PGM2L1: variants seen among roughly 807,000 people sequenced by gnomAD.
PGM2L1 encodes the protein glucose 1,6-bisphosphate synthase.
PGM2L1 carries 35 observed loss-of-function variants against 73.4 expected under a neutral mutation model. The ratio of observed to expected loss-of-function variants is 0.48; its 90% CI spans 0.36 to 0.63. PGM2L1 has a LOEUF of 0.63. Ranked by LOEUF, PGM2L1 falls within the 30% of genes least tolerant of loss-of-function variation. PGM2L1 has a pLI of 0.00. For missense variants in PGM2L1, 570 were observed against 742.0 expected (o/e 0.77, Z 2.69); for synonymous variants, 225 against 253.8 (o/e 0.89, Z 1.08).
chr11:74,392,324 A>T (rs1230828803), intron 1 of PGM2L1, among the ~76,000 whole-genome samples: 3 of 152,152 alleles, frequency 2.0e-5, no homozygotes, highest in Non-Finnish European at 4.4e-5. Flanking sequence ...ACAGGAGAAA[A>T]TGTAGGAAAT....
At chr11:74,372,511 A>G (rs1862782993) in intron 2 of PGM2L1, among the ~76,000 whole-genome samples, 2 of 152,324 alleles carry the variant, frequency 1.3e-5, no homozygotes, top group South Asian at 4.1e-4. Flanking sequence ...TTTAATATCT[A>G]AAAATAACAT....
In PGM2L1 at chr11:74,334,423, A is replaced by G. The variant is rs1229433724; in HGVS notation, c.*2229T>C. On this transcript the variant is annotated 3_prime_UTR_variant, in exon 14 of 14. Coordinates refer to ENST00000298198, the MANE Select transcript of PGM2L1 (RefSeq NM_173582.6). ...TACATTCTTAAAAGCATATAAAACAAAAGATGTTTTACACATTTTAAAAAT... is the reference window on the plus strand; with the variant it reads ...TACATTCTTAAAAGCATATAAAACAGAAGATGTTTTACACATTTTAAAAAT... 2.0e-5 allele frequency: 3 copies of G among 152,258 alleles called. No individual in the cohort carries two copies. Among genetic ancestry groups the G allele is most frequent in the Non-Finnish European group, 4.4e-5 (3 of 68,038 alleles). 9.4% of individuals were successfully genotyped at this position (152,258 alleles called of 1,614,324 possible). A position where few individuals can be genotyped will look rare whatever the true frequency, so the allele number is the denominator to read the frequency against.
intron 5 of PGM2L1, among the ~76,000 whole-genome samples, chr11:74,363,844 C>T (rs984435377): frequency 2.0e-5 from 3 of 152,196 alleles, no homozygotes; most frequent in African/African-American, 7.2e-5. Flanking sequence ...AAGAGGGAAT[C>T]CTCCCTAACT....
chr11:74,343,078 C>T, intron 10 of PGM2L1, 64 bp from the exon 11 acceptor site: 5 of 1,509,158 alleles, frequency 3.3e-6, no homozygotes, highest in Non-Finnish European at 4.5e-6. Context: ...AATAGTTTTA[C>T]ATTTCTTCAG....
At chr11:74,364,994 A>C (rs1040171578) in intron 5 of PGM2L1, among the ~76,000 whole-genome samples, 1 of 150,950 alleles carries the variant, frequency 6.6e-6, no homozygotes, top group African/African-American at 2.4e-5. Flanking sequence ...CCAAAACAGC[A>C]TGGTACTGGT....
At position 74,331,919 on chromosome 11, in the gene PGM2L1, G is replaced by T. The variant is rs1331068141; in HGVS notation, c.*4733C>A. ...AGGTATGTCACTTTGTCCCTATTTG[G>T]TCACTCTACACATTCTTATAGGTTC... is the stretch of plus-strand genomic sequence containing the variant. On this transcript the variant is annotated 3_prime_UTR_variant, in exon 14 of 14. Transcript: ENST00000298198. 3 of 152,060 alleles carry T rather than the reference G, an allele frequency of 2.0e-5. No homozygotes were observed. The highest frequency in any genetic ancestry group is 7.2e-5 in the African/African-American group (3 of 41,380). The allele number at this position is 152,060 out of a possible 1,614,324, so 9.4% of individuals were successfully genotyped here. A position where few individuals can be genotyped will look rare whatever the true frequency, so the allele number is the denominator to read the frequency against.
At chr11:74,397,038 G>A (rs1364975381) in intron 1 of PGM2L1, among the ~76,000 whole-genome samples, 1 of 152,154 alleles carries the variant, frequency 6.6e-6, no homozygotes, top group African/African-American at 2.4e-5. Context: ...TTTGCTGAAT[G>A]AATGAATGAA....
chr11:74,341,095 T>C (rs1862175377), intron 12 of PGM2L1, among the ~76,000 whole-genome samples: 1 of 152,176 alleles, frequency 6.6e-6, no homozygotes, highest in Non-Finnish European at 1.5e-5. Flanking sequence ...TTGCCCATTT[T>C]CTCTTTTTCT....
chr11:74,336,831 A>C, intron 13 of PGM2L1, 77 bp from the exon 14 acceptor site: 1 of 994,008 alleles, frequency 1.0e-6, no homozygotes, highest in Middle Eastern at 2.7e-4. Context: ...GTGATTTTTT[A>C]AGAGGTCCTG....
intron 9 of PGM2L1, 67 bp downstream of exon 9, chr11:74,345,402 G>T: frequency 7.7e-7 from 1 of 1,293,450 alleles, no homozygotes; most frequent in Non-Finnish European, 1.1e-6. Flanking sequence ...CAGTCTTGGT[G>T]GGGAGATGTC....
chr11:74,368,905 CTA>C (rs1862705146), intron 4 of PGM2L1, among the ~76,000 whole-genome samples: 1 of 152,020 alleles, frequency 6.6e-6, no homozygotes, highest in African/African-American at 2.4e-5. Context: ...ATAATTTTTG[CTA>C]TGTATTATTT....
At chr11:74,350,384 C>T (rs932673387) in intron 6 of PGM2L1, among the ~76,000 whole-genome samples, 2 of 152,120 alleles carry the variant, frequency 1.3e-5, no homozygotes, top group Admixed American at 6.5e-5. Flanking sequence ...GAAAAATAAA[C>T]TCTTAAGAGA....
chr11:74,351,020 C>A (rs1261781900), intron 6 of PGM2L1, among the ~76,000 whole-genome samples: 1 of 152,232 alleles, frequency 6.6e-6, no homozygotes, highest in African/African-American at 2.4e-5. Context: ...TAATCTATTT[C>A]TGTCTCTATA....
chr11:74,340,581 A>T (rs1862168096), intron 12 of PGM2L1, among the ~76,000 whole-genome samples: 2 of 152,228 alleles, frequency 1.3e-5, no homozygotes, highest in Non-Finnish European at 2.9e-5. Context: ...TTACAAATGG[A>T]AATTTGGGCT....
intron 1 of PGM2L1, among the ~76,000 whole-genome samples, chr11:74,377,428 G>A (rs1368451573): frequency 4.0e-5 from 6 of 151,896 alleles, no homozygotes; most frequent in South Asian, 4.2e-4. Flanking sequence ...CCACCGCGCC[G>A]GCCAACTAAT....
intron 2 of PGM2L1, among the ~76,000 whole-genome samples, chr11:74,373,037 C>A (rs1383487317): frequency 6.6e-6 from 1 of 151,862 alleles, no homozygotes; most frequent in Admixed American, 6.6e-5. Context: ...AAAAAAATGA[C>A]CAAAACCTCA....
intron 1 of PGM2L1, among the ~76,000 whole-genome samples, chr11:74,380,601 GAAT>G (rs1862928056): frequency 1.3e-5 from 2 of 151,794 alleles, no homozygotes; most frequent in Admixed American, 1.3e-4. Context: ...TATCATTTAA[GAAT>G]ATTAGATATA....
At position 74,383,986 on chromosome 11, in the gene PGM2L1, T is replaced by C. The variant is rs959322274; in HGVS notation, c.112-9404A>G. 4.6e-5 allele frequency among the ~76,000 whole-genome samples: 7 copies of C among 152,102 alleles called. No individual in the cohort carries two copies. In the South Asian group the frequency reaches 8.3e-4, roughly 18 times the overall value. ...TATATTCCTTTGTAACCCCAAACTC[T>C]TAACCTGTGGATTAATGTCATTCAT... On this transcript the variant is annotated intron_variant, in intron 1 of 13. Coordinates refer to ENST00000298198, the MANE Select transcript of PGM2L1 (RefSeq NM_173582.6).
intron 12 of PGM2L1, among the ~76,000 whole-genome samples, chr11:74,339,926 A>G (rs1331812199): frequency 6.6e-6 from 1 of 152,222 alleles, no homozygotes; most frequent in Non-Finnish European, 1.5e-5. Flanking sequence ...AGTCTTGCAT[A>G]AGCCCCCAAA....
Sources: allele counts gnomAD v4.1 joint callset (sites outside exome capture counted in the v4.1 genomes callset), GRCh38; gene constraint gnomAD v4.1.1; transcripts MANE v1.5; gene names NCBI Gene and HGNC (gene_info 2026-07-23, HGNC 2026-07-21).